FRMD4A: variants seen among roughly 807,000 people sequenced by gnomAD.
FRMD4A encodes the protein FERM domain containing 4A, also known as FERM domain-containing protein 4A.
A neutral mutation model predicts 129.1 loss-of-function variants in FRMD4A; 29 were observed. The observed-to-expected ratio is 0.22, with a 90% CI of 0.17 to 0.31. The LOEUF is 0.31. Ranked by LOEUF, FRMD4A falls within the 10% of genes least tolerant of loss-of-function variation. The probability of loss-of-function intolerance (pLI) is 1.00; values close to 1 mark genes in which losing one functional copy is unlikely to be tolerated. For missense variants in FRMD4A, 1,272 were observed against 1,375.8 expected (o/e 0.92, Z 1.19); for synonymous variants, 634 against 571.6 (o/e 1.11, Z -1.56).
At chr10:14,218,738 G>A (rs1253388239) in intron 2 of FRMD4A, among the ~76,000 whole-genome samples, 7 of 151,988 alleles carry the variant, frequency 4.6e-5, no homozygotes, top group Non-Finnish European at 7.4e-5. Flanking sequence ...ATATCATTCT[G>A]TCTCTGGCCC....
At chr10:13,704,197 G>T (rs965396441) in intron 13 of FRMD4A, among the ~76,000 whole-genome samples, 3 of 152,186 alleles carry the variant, frequency 2.0e-5, no homozygotes, top group African/African-American at 7.2e-5. Context: ...GTGCAAGAAA[G>T]ATCTTACAGC....
At chr10:13,943,983 C>T (rs139412278) in intron 2 of FRMD4A, among the ~76,000 whole-genome samples, 158 of 152,200 alleles carry the variant, frequency 1.0e-3, no homozygotes, top group South Asian at 7.7e-3. Context: ...TAAGGGCACT[C>T]GATATGTTCC....
intron 24 of FRMD4A, chr10:13,649,720 C>T (rs951045771): frequency 1.3e-5 from 2 of 152,190 alleles, no homozygotes; most frequent in African/African-American, 2.4e-5. Context: ...GACCCTTGTT[C>T]TGGCTGCTCA....
chr10:13,651,732 T>G, intron 24 of FRMD4A, 171 bp downstream of exon 24: 1 of 614,336 alleles, frequency 1.6e-6, no homozygotes, highest in Non-Finnish European at 2.9e-6. Context: ...ATCATAATTT[T>G]GATGTAAGAA....
chr10:13,944,448 T>G lies in FRMD4A; in HGVS notation c.46-85536A>C, dbSNP rs538065260. ...GGTTCCCACTGATTCTACATTATGT[T>G]GAGTTGTAGAATTATTTCATTATAT... On this transcript the variant is annotated intron_variant, in intron 2 of 24. Coordinates refer to ENST00000357447, the MANE Select transcript of FRMD4A (RefSeq NM_018027.5). Among the ~76,000 whole-genome samples the G allele has an allele frequency of 9.9e-5, 15 of 152,218 alleles. No individual in the cohort carries two copies. The South Asian group carries it at 2.7e-3, about 27-fold the overall frequency.
chr10:13,783,143 G>A, intron 5 of FRMD4A, 137 bp from the exon 6 acceptor site: 1 of 621,396 alleles, frequency 1.6e-6, no homozygotes, highest in South Asian at 1.9e-5. Context: ...ACCATCCATG[G>A]TTTTTCTATG....
At chr10:13,987,803 T>C (rs771260805) in intron 2 of FRMD4A, among the ~76,000 whole-genome samples, 7 of 152,198 alleles carry the variant, frequency 4.6e-5, no homozygotes, top group Non-Finnish European at 7.3e-5. Flanking sequence ...AAAGAGGACA[T>C]CGTACAATTT....
rs149210096 is a variant in FRMD4A at position 14,097,334 on chromosome 10, C to A, written c.45+232724G>T. On this transcript the variant is annotated intron_variant, in intron 2 of 24. Coordinates refer to ENST00000357447, the MANE Select transcript of FRMD4A (RefSeq NM_018027.5). ...CATTCTGATTGCAGACTTTTGTTCT[C>A]TGGCTAACAGGAAGGATTAAGGAAG... Among the ~76,000 whole-genome samples, 537 of 152,078 alleles carry A rather than the reference C, an allele frequency of 3.5e-3. 5 individuals carry two copies. Among genetic ancestry groups the A allele is most frequent in the African/African-American group, 0.011 (448 of 41,512 alleles).
intron 2 of FRMD4A, among the ~76,000 whole-genome samples, chr10:13,878,822 GGGAA>G (rs71388126): frequency 2.4e-4 from 34 of 140,870 alleles, no homozygotes; most frequent in Admixed American, 5.8e-4. Flanking sequence ...GAGGGAGGGA[GGGAA>G]GGAAGGAAGG....
chr10:13,747,945 G>A (rs557058321), intron 8 of FRMD4A, 126 bp from the exon 9 acceptor site: 1 of 668,590 alleles, frequency 1.5e-6, no homozygotes, highest in Middle Eastern at 2.5e-4. Flanking sequence ...AAAAAGCAGT[G>A]GGGGGAAGGG....
intron 2 of FRMD4A, among the ~76,000 whole-genome samples, chr10:14,010,931 C>A (rs2131635164): frequency 6.6e-6 from 1 of 152,302 alleles, no homozygotes; most frequent in Admixed American, 6.5e-5. Context: ...TGAGCACCTA[C>A]CCATTGGCAG....
chr10:14,082,151 G>A lies in FRMD4A; in HGVS notation c.46-223239C>T, dbSNP rs555202989. 4.8e-4 allele frequency among the ~76,000 whole-genome samples: 73 copies of A among 152,290 alleles called. 2 individuals carry two copies. Among genetic ancestry groups the A allele is most frequent in the Middle Eastern group, 3.4e-3 (1 of 294 alleles). ...ACTCCCAGCTACTTGGGAGGCTGAG[G>A]CAGGAGAATTGCTTGAACCTGGGAG... On this transcript the variant is annotated intron_variant, in intron 2 of 24. Coordinates refer to ENST00000357447, the MANE Select transcript of FRMD4A (RefSeq NM_018027.5).
At chr10:13,990,614 G>C (rs892233182) in intron 2 of FRMD4A, among the ~76,000 whole-genome samples, 1 of 145,024 alleles carries the variant, frequency 6.9e-6, no homozygotes, top group Non-Finnish European at 1.5e-5. Flanking sequence ...GGAACATCTC[G>C]GCCTGAAGCT....
At chr10:13,869,228 TAATAATC>T (rs1370407366) in intron 2 of FRMD4A, among the ~76,000 whole-genome samples, 2 of 152,114 alleles carry the variant, frequency 1.3e-5, no homozygotes, top group Non-Finnish European at 2.9e-5. Flanking sequence ...CAGAAAACAT[TAATAATC>T]AGTCTCTGGG....
chr10:13,951,890 AAATAAT>A (rs5783371), intron 2 of FRMD4A, among the ~76,000 whole-genome samples: 1,335 of 127,648 alleles, frequency 0.01, 15 homozygotes, highest in African/African-American at 0.03. Flanking sequence ...ACTCTGTCTC[AAATAAT>A]AATAATAATA....
At chr10:13,859,073 A>G (rs2094255471) in intron 2 of FRMD4A, among the ~76,000 whole-genome samples, 161 bp from the exon 3 acceptor site, 1 of 152,178 alleles carries the variant, frequency 6.6e-6, no homozygotes. Context: ...CAGTTCATTC[A>G]TTCATTCAAA....
In FRMD4A at chr10:13,815,036, C is replaced by T. The variant is rs567995763; in HGVS notation, c.112-4128G>A. On this transcript the variant is annotated intron_variant, in intron 3 of 24. Transcript: ENST00000357447. ...CATGTTACATTGAACTCTCCTAATT[C>T]CATGCCTCCCAAGGAACACCTACAT... Among the ~76,000 whole-genome samples the T allele has an allele frequency of 2.6e-4, 39 of 152,228 alleles. 1 individual carries two copies. The South Asian group carries it at 8.1e-3, about 32-fold the overall frequency.
chr10:14,220,796 G>C (rs922346492), intron 2 of FRMD4A, among the ~76,000 whole-genome samples: 1 of 48,636 alleles, frequency 2.1e-5, no homozygotes. Context: ...GTGTGTGTGT[G>C]TGTGTGTGTG....
chr10:13,658,676 T>C (rs2082381230), intron 21 of FRMD4A, among the ~76,000 whole-genome samples: 2 of 152,028 alleles, frequency 1.3e-5, no homozygotes, highest in Admixed American at 1.3e-4. Flanking sequence ...AGGTCAGGAG[T>C]TCCAGACCAG....
Sources: allele counts gnomAD v4.1 joint callset (sites outside exome capture counted in the v4.1 genomes callset), GRCh38; gene constraint gnomAD v4.1.1; transcripts MANE v1.5; gene names NCBI Gene and HGNC (gene_info 2026-07-23, HGNC 2026-07-21).